Variants in LRP1B observed in about 807,000 individuals in gnomAD.
LRP1B encodes the protein low-density lipoprotein receptor-related protein 1B.
In LRP1B, 217 loss-of-function variants were observed where a neutral mutation model predicts 556.6. The ratio of observed to expected loss-of-function variants is 0.39; its 90% confidence interval spans 0.35 to 0.44. The LOEUF is 0.44. LRP1B is among the 20% of genes least tolerant of loss of function. LRP1B has a pLI of 1.00. For synonymous variants in LRP1B, 2,047 were observed against 1,865.8 expected (o/e 1.10, Z -2.50); for missense variants, 5,053 against 5,620.8 (o/e 0.90, Z 3.23).
At chr2:140,471,642 C>A (rs1182996178) in intron 60 of LRP1B, among the ~76,000 whole-genome samples, 2 of 152,190 alleles carry the variant, frequency 1.3e-5, no homozygotes, top group Non-Finnish European at 2.9e-5. Flanking sequence ...CAAACATTTT[C>A]TCCTAAAATA....
chr2:140,511,802 A>G (rs2104923711), intron 51 of LRP1B, among the ~76,000 whole-genome samples: 1 of 152,266 alleles, frequency 6.6e-6, no homozygotes, highest in South Asian at 2.1e-4. Context: ...AAATAAATGT[A>G]CTTTCATTTA....
intron 1 of LRP1B, among the ~76,000 whole-genome samples, chr2:142,091,719 T>C (rs1355232007): frequency 1.3e-5 from 2 of 152,124 alleles, no homozygotes; most frequent in Non-Finnish European, 2.9e-5. Context: ...GTAGACAATG[T>C]GTTAAGCCCA....
At chr2:141,355,834 A>G (rs1688608428) in intron 3 of LRP1B, among the ~76,000 whole-genome samples, 1 of 152,144 alleles carries the variant, frequency 6.6e-6, no homozygotes, top group Non-Finnish European at 1.5e-5. Context: ...GCATACTGCT[A>G]CCTTTTCCTA....
chr2:142,129,075 C>T (rs895490836), intron 1 of LRP1B, among the ~76,000 whole-genome samples: 3 of 152,180 alleles, frequency 2.0e-5, no homozygotes, highest in African/African-American at 7.2e-5. Context: ...TTATATTTTG[C>T]TAGCATACTG....
In LRP1B at chr2:140,868,265, T is replaced by TA. The variant is rs34488899; in HGVS notation, c.4170-3dup. ...TCCCAGTCTGTCCAGAAAAGAATTCTAAAAAAAAAAAAAAAAAAAGAAATA... is the reference window on the plus strand; with the variant it reads ...TCCCAGTCTGTCCAGAAAAGAATTCTAAAAAAAAAAAAAAAAAAAAGAAATA... On this transcript the variant is annotated splice_polypyrimidine_tract_variant and splice_region_variant and intron_variant, in intron 25 of 90. Coordinates refer to ENST00000389484, the MANE Select transcript of LRP1B (RefSeq NM_018557.3). 0.099 allele frequency: 126,491 copies of TA among 1,279,150 alleles called. 403 individuals carry two copies. The highest frequency in any genetic ancestry group is 0.15 in the African/African-American group (7,860 of 53,696). The allele number at this position is 1,279,150 out of a possible 1,614,324, so 79.2% of individuals were successfully genotyped here.
At position 141,059,007 on chromosome 2, in the gene LRP1B, T is replaced by G. The variant is rs773901045; in HGVS notation, c.1284A>C (p.Ala428=). The G allele has an allele frequency of 6.9e-6, 11 of 1,589,648 alleles. No individual in the cohort carries two copies. The highest frequency in any genetic ancestry group is 9.4e-6 in the Non-Finnish European group (11 of 1,166,510). ...GITVFEDYLY[A]TNSDNYNIVR... ...CGATATTGTAGTTATCAGAATTGGT[T>G]GCATACAAATAATCTTCAAACACAG... Residue 428 remains alanine, a synonymous_variant, in exon 9 of 91, where the codon GCA becomes GCC. Transcript: ENST00000389484.
At chr2:140,822,727 AG>A (rs1691369966) in intron 31 of LRP1B, among the ~76,000 whole-genome samples, 2 of 152,180 alleles carry the variant, frequency 1.3e-5, no homozygotes, top group African/African-American at 4.8e-5. Context: ...ATGCTTGAAA[AG>A]TATCAGCTTT....
intron 2 of LRP1B, among the ~76,000 whole-genome samples, chr2:141,621,511 C>G (rs559389626): frequency 6.6e-6 from 1 of 152,082 alleles, no homozygotes; most frequent in African/African-American, 2.4e-5. Flanking sequence ...AATGAAATTA[C>G]GATATATTCC....
At chr2:140,384,265 G>T (rs894905392) in intron 67 of LRP1B, among the ~76,000 whole-genome samples, 8 of 152,112 alleles carry the variant, frequency 5.3e-5, no homozygotes, top group African/African-American at 1.9e-4. Flanking sequence ...TATATCAAAA[G>T]AAAAGCTAAG....
At chr2:140,285,826 AG>A (rs2104975700) in intron 84 of LRP1B, among the ~76,000 whole-genome samples, 1 of 119,336 alleles carries the variant, frequency 8.4e-6, no homozygotes, top group Non-Finnish European at 1.8e-5. Context: ...TCTGCCCTTA[AG>A]GAGAAGGGAT....
rs1695210101 is a variant in LRP1B, at chr2:140,936,363, GAAAGGAA to G, written c.3137-13223_3137-13217del. ...TCAAAAAAAAAAAAAAAAAAAAAAA[GAAAGGAA>G]AAAAGAAAAGAAAAGGAAGAAAATA... On this transcript the variant is annotated intron_variant, in intron 20 of 90. Transcript: ENST00000389484. 1.1e-4 allele frequency among the ~76,000 whole-genome samples: 10 copies of G among 91,142 alleles called. No individual in the cohort carries two copies. The South Asian group carries it at 1.8e-3, about 16-fold the overall frequency. The allele number at this position is 91,142 out of a possible 152,430, so 59.8% of individuals were successfully genotyped here. A position where few individuals can be genotyped will look rare whatever the true frequency, so the allele number is the denominator to read the frequency against.
At chr2:141,019,822 G>T in intron 12 of LRP1B, 100 bp downstream of exon 12, 1 of 857,426 alleles carries the variant, frequency 1.2e-6, no homozygotes, top group Non-Finnish European at 1.7e-6. Flanking sequence ...TGGAAAATCA[G>T]CTATACATAT....
At chr2:140,943,211 G>A (rs1695451307) in intron 20 of LRP1B, among the ~76,000 whole-genome samples, 2 of 152,020 alleles carry the variant, frequency 1.3e-5, no homozygotes, top group Admixed American at 1.3e-4. Flanking sequence ...ATGATAAAGG[G>A]TTCAAGTCAA....
In LRP1B at chr2:140,714,407, T is replaced by C. The variant is rs117883780; in HGVS notation, c.6023+1566A>G. Among the ~76,000 whole-genome samples the C allele has an allele frequency of 7.4e-3, 1,122 of 152,150 alleles. 42 individuals carry two copies. In the East Asian group the frequency reaches 0.11, roughly 15 times the overall value. The stretch of plus-strand genomic sequence containing the variant: ...ATAGGCTAAGATGGATGTGGAGAGA[T>C]AAGAGGTACTTAAGAAAAAGAAGCT... On this transcript the variant is annotated intron_variant, in intron 37 of 90. Coordinates refer to ENST00000389484, the MANE Select transcript of LRP1B (RefSeq NM_018557.3).
intron 84 of LRP1B, among the ~76,000 whole-genome samples, chr2:140,285,522 C>A (rs1045935913): frequency 5.3e-5 from 8 of 151,444 alleles, no homozygotes; most frequent in Admixed American, 3.3e-4. Context: ...GGTCACCTGG[C>A]AGAATAATAT....
At position 140,570,484 on chromosome 2, in the gene LRP1B, G is replaced by C. The variant is rs141862015; in HGVS notation, c.7194+28147C>G. 1.7e-3 allele frequency among the ~76,000 whole-genome samples: 261 copies of C among 151,582 alleles called. 3 individuals are homozygous for C. The highest frequency in any genetic ancestry group is 3.8e-3 in the Admixed American group (58 of 15,210). On this transcript the variant is annotated intron_variant, in intron 43 of 90. Transcript: ENST00000389484. Reference sequence around the variant, plus strand: ...ACCAACACTGAACCAAGAAGAAAAAGAAAATGTAAACATAGCATTTAGGAA... The same window carrying C: ...ACCAACACTGAACCAAGAAGAAAAACAAAATGTAAACATAGCATTTAGGAA...
chr2:142,115,660 AATATATATATGTAAT>A lies in LRP1B; in HGVS notation c.82+14973_82+14987del, dbSNP rs1244974572. Among the ~76,000 whole-genome samples the A allele has an allele frequency of 7.4e-3, 53 of 7,166 alleles. 15 individuals carry two copies. Among genetic ancestry groups the A allele is most frequent in the African/African-American group, 0.015 (53 of 3,420 alleles). 4.7% of individuals were successfully genotyped at this position (7,166 alleles called of 152,430 possible). ...TATATGTAATATATATATTATATGT[AATATATATATGTAAT>A]ATATATATAATATATATGTAATATA... On this transcript the variant is annotated intron_variant, in intron 1 of 90. Transcript: ENST00000389484.
At chr2:140,433,927 A>G (rs1686061070) in intron 66 of LRP1B, among the ~76,000 whole-genome samples, 2 of 151,986 alleles carry the variant, frequency 1.3e-5, no homozygotes, top group Non-Finnish European at 2.9e-5. Context: ...CTTAGGACAT[A>G]GAATTGAGAA....
intron 2 of LRP1B, among the ~76,000 whole-genome samples, chr2:141,597,696 C>T (rs900942430): frequency 8.6e-5 from 13 of 152,008 alleles, no homozygotes; most frequent in Admixed American, 5.9e-4. Flanking sequence ...GGAAGATTAG[C>T]TTTTCTTTTT....
Sources: allele counts gnomAD v4.1 joint callset (sites outside exome capture counted in the v4.1 genomes callset), GRCh38; gene constraint gnomAD v4.1.1; transcripts MANE v1.5; gene names NCBI Gene and HGNC (gene_info 2026-07-23, HGNC 2026-07-21).